Variants in MDN1 observed in about 807,000 individuals in gnomAD.
MDN1 encodes the protein midasin AAA ATPase 1.
MDN1 carries 266 observed loss-of-function variants against 669.2 expected under a neutral mutation model. That is an observed-to-expected ratio of 0.40 (90% CI 0.36 to 0.44). The LOEUF (loss-of-function observed/expected upper bound fraction) is 0.44. Ranked by LOEUF, MDN1 falls within the 20% of genes least tolerant of loss-of-function variation. The pLI, the probability that MDN1 is intolerant of heterozygous loss-of-function variation, is 1.00. For synonymous variants in MDN1, 2,385 were observed against 2,457.1 expected, an observed-to-expected ratio of 0.97 and a Z score of 0.87; for missense variants, 5,940 against 6,754.0, an observed-to-expected ratio of 0.88 and a Z score of 4.22.
chr6:89,678,856 C>G, intron 74 of MDN1, 111 bp from the exon 75 acceptor site: 1 of 1,147,182 alleles, frequency 8.7e-7, no homozygotes, highest in Non-Finnish European at 1.2e-6. Flanking sequence ...GGCCAAGTAT[C>G]ATTCATCTTT....
intron 53 of MDN1, among the ~76,000 whole-genome samples, chr6:89,702,401 C>T (rs1584227563): frequency 1.3e-5 from 2 of 152,338 alleles, no homozygotes; most frequent in Non-Finnish European, 2.9e-5. Flanking sequence ...TTTTGTACTC[C>T]GACCAGAAGT....
At chr6:89,658,404 C>T in intron 89 of MDN1, 34 bp from the exon 90 acceptor site, 4 of 1,613,146 alleles carry the variant, frequency 2.5e-6, no homozygotes, top group South Asian at 2.2e-5. Flanking sequence ...GCATTAAATG[C>T]TCTGGGGGAA....
At chr6:89,740,466 GTT>G in intron 31 of MDN1, 88 bp from the exon 32 acceptor site, 1 of 1,237,134 alleles carries the variant, frequency 8.1e-7, no homozygotes, top group South Asian at 1.6e-5. Flanking sequence ...AAAAAAAAAA[GTT>G]ATCTTCTTTC....
At chr6:89,686,862 G>A (rs1812046335) in intron 69 of MDN1, 40 bp downstream of exon 69, 1 of 1,608,256 alleles carries the variant, frequency 6.2e-7, no homozygotes, top group African/African-American at 1.3e-5. Context: ...ATTTAGCCGG[G>A]AAGCTCTAAG....
At chr6:89,722,166 T>C (rs1403238401) in intron 40 of MDN1, among the ~76,000 whole-genome samples, 1 of 152,226 alleles carries the variant, frequency 6.6e-6, no homozygotes, top group Non-Finnish European at 1.5e-5. Flanking sequence ...GTTATTACAA[T>C]TCCTTACAGT....
chr6:89,697,911 CT>C (rs1812878665), intron 59 of MDN1, among the ~76,000 whole-genome samples: 1 of 152,042 alleles, frequency 6.6e-6, no homozygotes, highest in South Asian at 2.1e-4. Flanking sequence ...AAAAGCACAA[CT>C]ATGACTCGAA....
At chr6:89,760,641 C>T (rs1817494532) in intron 17 of MDN1, among the ~76,000 whole-genome samples, 1 of 151,810 alleles carries the variant, frequency 6.6e-6, no homozygotes, top group African/African-American at 2.4e-5. Flanking sequence ...ACAATGGAAT[C>T]CTATGGAATC....
chr6:89,705,129 CAG>C (rs1269672948), intron 53 of MDN1, among the ~76,000 whole-genome samples: 5 of 152,186 alleles, frequency 3.3e-5, no homozygotes, highest in Non-Finnish European at 5.9e-5. Context: ...GCCAGACATA[CAG>C]AGACTTGCAG....
At chr6:89,766,625 A>AT (rs767858917) in intron 15 of MDN1, among the ~76,000 whole-genome samples, 79 of 152,252 alleles carry the variant, frequency 5.2e-4, no homozygotes, top group Non-Finnish European at 1.0e-3. Flanking sequence ...AACTTTGCTT[A>AT]TATCTGTTAC....
At chr6:89,694,694 C>A (rs1812612685) in intron 61 of MDN1, among the ~76,000 whole-genome samples, 1 of 151,898 alleles carries the variant, frequency 6.6e-6, no homozygotes, top group South Asian at 2.1e-4. Context: ...CAAGCACATG[C>A]CACCACACCC....
At chr6:89,668,650 A>T (rs1200243204) in intron 83 of MDN1, among the ~76,000 whole-genome samples, 2 of 152,258 alleles carry the variant, frequency 1.3e-5, no homozygotes, top group Admixed American at 6.5e-5. Flanking sequence ...ATTTTGTAAG[A>T]GAAAATATAT....
At chr6:89,680,169 A>C (rs1811505411) in intron 74 of MDN1, among the ~76,000 whole-genome samples, 1 of 152,044 alleles carries the variant, frequency 6.6e-6, no homozygotes, top group Non-Finnish European at 1.5e-5. Context: ...GAGCAAAGAC[A>C]GCCTGAGAAA....
At chr6:89,702,275 T>G (rs1813211154) in intron 53 of MDN1, among the ~76,000 whole-genome samples, 1 of 151,994 alleles carries the variant, frequency 6.6e-6, no homozygotes, top group Non-Finnish European at 1.5e-5. Context: ...ACAGAGGAGG[T>G]GAAGATCTTT....
At chr6:89,791,014 C>A (rs1819243050) in intron 5 of MDN1, among the ~76,000 whole-genome samples, 2 of 152,070 alleles carry the variant, frequency 1.3e-5, no homozygotes. Flanking sequence ...AAGAGTGAAA[C>A]TCCGCCTCAA....
rs775057436 is a variant in MDN1 at position 89,738,330 on chromosome 6, A to G, written c.4719T>C (p.Pro1573=). ...TCACCACCTGCAAACTCTCACCTTT[A>G]GGATCTATTCTGCCCAGACACAATC... The part of the protein sequence containing the change: ...RPGLCLGRID[P]KGSDIPEVML... Residue 1573 remains proline (P), a synonymous_variant, in exon 33 of 102, where the codon CCT becomes CCC. Transcript: ENST00000369393. 15 of 1,613,792 alleles carry G rather than the reference A, an allele frequency of 9.3e-6. No individual in the cohort carries two copies. The highest frequency in any genetic ancestry group is 1.3e-5 in the Non-Finnish European group (15 of 1,179,916).
At chr6:89,746,190 A>C (rs977745772) in intron 27 of MDN1, among the ~76,000 whole-genome samples, 3 of 152,156 alleles carry the variant, frequency 2.0e-5, no homozygotes, top group African/African-American at 7.2e-5. Flanking sequence ...GGTAGTGATT[A>C]CCTCCACTGT....
chr6:89,786,154 G>A (rs1054738608), intron 8 of MDN1, among the ~76,000 whole-genome samples: 4 of 152,124 alleles, frequency 2.6e-5, no homozygotes, highest in African/African-American at 9.7e-5. Flanking sequence ...AGATACCTGG[G>A]AGACTGAGGC....
rs763686114 is a variant in MDN1 at position 89,689,877 on chromosome 6, G to T, written c.11016C>A (p.Pro3672=). 5 of 1,613,886 alleles carry T rather than the reference G, an allele frequency of 3.1e-6. No individual in the cohort carries two copies. The Admixed American group carries it at 5.0e-5, about 16-fold the overall frequency. The stretch of plus-strand genomic sequence containing the variant: ...AAAAGTAAACTACCATACCCATCAG[G>T]GGGTAGAAGTGTGTCACAAGCGATG... ...TGASLVTHFY[P]LMGVELNDRL... Residue 3672 remains proline, a synonymous_variant, in exon 65 of 102, where the codon CCC becomes CCA. Transcript: ENST00000369393.
At chr6:89,740,399 C>T in intron 31 of MDN1, 21 bp from the exon 32 acceptor site, 1 of 1,564,646 alleles carries the variant, frequency 6.4e-7, no homozygotes, top group Non-Finnish European at 8.6e-7. Flanking sequence ...AATTGAAGAA[C>T]AGTGAAAAGG....
Sources: gnomAD v4.1 joint callset for allele counts (sites outside exome capture counted in the v4.1 genomes callset) on GRCh38, gnomAD v4.1.1 for gene constraint, MANE v1.5 for transcripts, NCBI Gene and HGNC (gene_info 2026-07-23, HGNC 2026-07-21) for gene names.